The following ANKHD1 variants were observed in gnomAD, a reference collection of about 807,000 sequenced individuals.
The protein encoded by ANKHD1 is ankyrin repeat and KH domain-containing protein 1.
In ANKHD1, 31 loss-of-function variants were observed where a neutral mutation model predicts 230.5. The observed-to-expected ratio is 0.13, with a 90% CI of 0.10 to 0.18. The LOEUF is 0.18. Among genes scored for constraint, ANKHD1 ranks in the 10% least tolerant of loss-of-function variants. The pLI, the probability that ANKHD1 is intolerant of heterozygous loss-of-function variation, is 1.00. For missense variants in ANKHD1, 2,256 were observed against 3,071.3 expected (o/e 0.73, Z 6.27); for synonymous variants, 1,074 against 1,117.6 (o/e 0.96, Z 0.78).
At chr5:140,425,412 C>T (rs1290796508) in intron 1 of ANKHD1, among the ~76,000 whole-genome samples, 1 of 152,108 alleles carries the variant, frequency 6.6e-6, no homozygotes, top group Non-Finnish European at 1.5e-5. Context: ...AGGTATGCAC[C>T]ACCATGCCCA....
chr5:140,490,725 T>C (rs1751735217), intron 14 of ANKHD1, among the ~76,000 whole-genome samples: 1 of 152,190 alleles, frequency 6.6e-6, no homozygotes, highest in Admixed American at 6.5e-5. Flanking sequence ...CTGCAAAGCA[T>C]TTAAAATTAT....
rs1344583609 is a variant in ANKHD1, at chr5:140,530,612, G to A, written c.6850+816G>A. Among the ~76,000 whole-genome samples the A allele has an allele frequency of 2.0e-5, 3 of 152,318 alleles. No homozygotes were observed. The South Asian group carries it at 6.2e-4, about 32-fold the overall frequency. ...GTTGCTTCTTTGAAATTATAAATTA[G>A]CTGCCGAGGCATTATGAGAAATATA... On this transcript the variant is annotated intron_variant, in intron 29 of 33. Transcript: ENST00000360839.
intron 24 of ANKHD1, among the ~76,000 whole-genome samples, chr5:140,518,229 C>T (rs1753137756): frequency 6.6e-6 from 1 of 152,064 alleles, no homozygotes; most frequent in Non-Finnish European, 1.5e-5. Context: ...TCTCCCAAGA[C>T]TAAACCAGGA....
rs1476449439 is a variant in ANKHD1 at position 140,482,580 on chromosome 5, G to C, written c.1783G>C (p.Glu595Gln). 6.2e-7 allele frequency: 1 copy of C among 1,611,946 alleles called. No homozygotes were observed. Among genetic ancestry groups the C allele is most frequent in the Non-Finnish European group, 8.5e-7 (1 of 1,179,160 alleles). The part of the protein sequence containing the change: ...DVLLQAGADL[E>Q]HESEGGRTPL... The stretch of plus-strand genomic sequence containing the variant: ...ATTATTTTTTCCATTTCTTTAACAG[G>C]AACATGAATCTGAAGGTGGAAGAAC... Residue 595 changes from glutamate (E) to glutamine (Q), a missense_variant and splice_region_variant, in exon 11 of 34, where the codon GAA becomes CAA. Glu to Gln is a conservative substitution (Grantham distance 29). This residue lies in a region of ANKHD1 where 179 missense variants were observed against 261.8 expected (regional missense o/e 0.68). Transcript: ENST00000360839.
chr5:140,410,300 T>A (rs1770825525), intron 1 of ANKHD1, among the ~76,000 whole-genome samples: 1 of 152,178 alleles, frequency 6.6e-6, no homozygotes, highest in Non-Finnish European at 1.5e-5. Context: ...TTAGACTTTT[T>A]TAAAAAATTA....
At chr5:140,470,764 G>A (rs919829829) in intron 10 of ANKHD1, among the ~76,000 whole-genome samples, 4 of 151,548 alleles carry the variant, frequency 2.6e-5, no homozygotes, top group African/African-American at 2.4e-5. Context: ...TTGGAACTAC[G>A]GGCACACACT....
rs1183255685 is a variant in ANKHD1 at position 140,527,656 on chromosome 5, T to G, written c.5088-217T>G. Among the ~76,000 whole-genome samples, 1 of 152,208 alleles carries G rather than the reference T, an allele frequency of 6.6e-6. No individual in the cohort carries two copies. The highest frequency in any genetic ancestry group is 2.4e-5 in the African/African-American group (1 of 41,454). On this transcript the variant is annotated intron_variant, in intron 27 of 33. Coordinates refer to ENST00000360839, the MANE Select transcript of ANKHD1 (RefSeq NM_017747.3). The surrounding 1 kb of genome is among the most constrained non-coding windows in gnomAD (Gnocchi z 4.5). ...TGGCAGTGTAATTTTTAAAATTAGG[T>G]TCTCTGAAACTGCAGAGCAATGTAA...
At chr5:140,509,178 CTCATCCAT>C (rs1215494506) in intron 20 of ANKHD1, among the ~76,000 whole-genome samples, 1 of 152,162 alleles carries the variant, frequency 6.6e-6, no homozygotes, top group East Asian at 1.9e-4. Flanking sequence ...TTGTGTGCCA[CTCATCCAT>C]TAAAGGTCCT....
chr5:140,407,951 T>C (rs1036050851), intron 1 of ANKHD1, among the ~76,000 whole-genome samples: 1 of 152,076 alleles, frequency 6.6e-6, no homozygotes, highest in African/African-American at 2.4e-5. Context: ...CCAAAGCGGA[T>C]GGATCATCTG....
At chr5:140,422,376 C>T (rs969968840) in intron 1 of ANKHD1, among the ~76,000 whole-genome samples, 1 of 152,134 alleles carries the variant, frequency 6.6e-6, no homozygotes, top group Non-Finnish European at 1.5e-5. Context: ...CTGCCTGCCT[C>T]TGTGTCCCAA....
At chr5:140,521,949 A>T (rs1188977541) in intron 24 of ANKHD1, among the ~76,000 whole-genome samples, 2 of 152,248 alleles carry the variant, frequency 1.3e-5, no homozygotes, top group African/African-American at 4.8e-5. Flanking sequence ...ACTGCACTCC[A>T]GCCTGGGTGA....
chr5:140,525,652 G>C (rs1753570531), intron 25 of ANKHD1, among the ~76,000 whole-genome samples: 1 of 152,082 alleles, frequency 6.6e-6, no homozygotes, highest in South Asian at 2.1e-4. Context: ...GGTGGATCTT[G>C]AGGTCAGGAG....
chr5:140,459,960 T>TA (rs1160787162), intron 9 of ANKHD1, among the ~76,000 whole-genome samples: 1 of 152,194 alleles, frequency 6.6e-6, no homozygotes, highest in Non-Finnish European at 1.5e-5. Context: ...TATTAATGTT[T>TA]GTGTAGTGAC....
rs1460679062 is a variant in ANKHD1 at position 140,488,745 on chromosome 5, C to A, written c.2245+1685C>A. 3.3e-5 allele frequency among the ~76,000 whole-genome samples: 5 copies of A among 151,824 alleles called. No individual in the cohort carries two copies. The East Asian group carries it at 9.7e-4, about 29-fold the overall frequency. On this transcript the variant is annotated intron_variant, in intron 14 of 33. Transcript: ENST00000360839. ...TGAAATCCCATCTCTACTAAAAATA[C>A]AAAAATTAGCCGGGTGTGGTAGTGC...
chr5:140,450,020 A>G (rs1211596297), intron 7 of ANKHD1, among the ~76,000 whole-genome samples: 6 of 152,192 alleles, frequency 3.9e-5, no homozygotes, highest in Non-Finnish European at 8.8e-5. Context: ...CTGTCAATCC[A>G]GAAATCCTTT....
At chr5:140,430,809 G>A (rs1772981941) in intron 1 of ANKHD1, among the ~76,000 whole-genome samples, 1 of 151,658 alleles carries the variant, frequency 6.6e-6, no homozygotes, top group Non-Finnish European at 1.5e-5. Context: ...CAGGCACATG[G>A]CCACCATGCC....
intron 30 of ANKHD1, chr5:140,535,859 C>G (rs1319196701): frequency 6.7e-6 from 1 of 150,132 alleles, no homozygotes; most frequent in African/African-American, 2.7e-5. Flanking sequence ...CAGTTGGAGA[C>G]CAGCCTGGGC....
intron 10 of ANKHD1, among the ~76,000 whole-genome samples, chr5:140,469,582 A>G (rs1776346345): frequency 2.0e-5 from 3 of 152,174 alleles, no homozygotes; most frequent in African/African-American, 7.2e-5. Flanking sequence ...GTTTTAGCGA[A>G]CTATAGAAAA....
chr5:140,469,420 T>G (rs1776333832), intron 10 of ANKHD1, among the ~76,000 whole-genome samples: 1 of 151,644 alleles, frequency 6.6e-6, no homozygotes, highest in Non-Finnish European at 1.5e-5. Context: ...CTGAGGTGGA[T>G]TGCTTGAGCC....
Sources: gnomAD v4.1 joint callset for allele counts (sites outside exome capture counted in the v4.1 genomes callset) on GRCh38, gnomAD v4.1.1 for gene constraint, gnomAD v4.1.1 regional missense constraint, Gnocchi (gnomAD v3.1) non-coding constraint, MANE v1.5 for transcripts, NCBI Gene and HGNC (gene_info 2026-07-23, HGNC 2026-07-21) for gene names.